Variants in ZNF420 observed in about 807,000 individuals in gnomAD.
The protein encoded by ZNF420 is zinc finger protein 420.
In ZNF420, 31 loss-of-function variants were observed where a neutral mutation model predicts 44.7. The ratio of observed to expected loss-of-function variants is 0.69; its 90% CI spans 0.52 to 0.94. The LOEUF (loss-of-function observed/expected upper bound fraction) is 0.94. ZNF420 is among the 40% of genes least tolerant of loss of function. The pLI, the probability that ZNF420 is intolerant of heterozygous loss-of-function variation, is 0.00. For synonymous variants in ZNF420, 245 were observed against 267.4 expected (o/e 0.92, Z 0.82); for missense variants, 681 against 827.9 (o/e 0.82, Z 2.18).
At chr19:37,112,474 T>C (rs542237723) in intron 4 of ZNF420, among the ~76,000 whole-genome samples, 2 of 152,168 alleles carry the variant, frequency 1.3e-5, no homozygotes, top group South Asian at 4.1e-4. Context: ...CGCCGACAAG[T>C]CCTGTAACAG....
chr19:37,012,133 G>C (rs904577609), intron 1 of ZNF420, among the ~76,000 whole-genome samples: 11 of 152,140 alleles, frequency 7.2e-5, no homozygotes, highest in African/African-American at 2.7e-4. Context: ...TCCTCCACCG[G>C]TAGAAGTCGG....
chr19:37,044,609 T>A (rs952530744), intron 1 of ZNF420, among the ~76,000 whole-genome samples: 8 of 151,890 alleles, frequency 5.3e-5, no homozygotes, highest in Non-Finnish European at 1.0e-4. Context: ...CTCATGCCTG[T>A]AATCCCAGGA....
chr19:37,060,171 T>C (rs1013487066), intron 1 of ZNF420, among the ~76,000 whole-genome samples: 1 of 152,136 alleles, frequency 6.6e-6, no homozygotes, highest in Admixed American at 6.5e-5. Flanking sequence ...AGAATCAAGA[T>C]GACCACACTC....
chr19:37,128,234 G>C lies in ZNF420; in HGVS notation c.1243G>C (p.Gly415Arg). The C allele has an allele frequency of 6.2e-7, 1 of 1,613,994 alleles. No individual in the cohort carries two copies. Among genetic ancestry groups the C allele is most frequent in the Non-Finnish European group, 8.5e-7 (1 of 1,179,966 alleles). Reference protein sequence around the residue: ...QLTQHQRIHTGEKPYQCKECG... With the variant: ...QLTQHQRIHTREKPYQCKECG... ...TACTCAACATCAGAGAATACACACT[G>C]GTGAGAAACCCTATCAATGTAAGGA... The change falls in exon 5 of 5, where the codon GGT becomes CGT. Residue 415 changes from glycine to arginine, a missense_variant. By Grantham distance (125) the Gly-to-Arg change is moderately radical. This residue lies in a region of ZNF420 where 280 missense variants were observed against 338.6 expected (regional missense o/e 0.83). Coordinates refer to ENST00000337995, the MANE Select transcript of ZNF420 (RefSeq NM_144689.5).
rs1321469834 is a variant in ZNF420 at position 37,114,124 on chromosome 19, G to A, written c.137-13004G>A. Among the ~76,000 whole-genome samples, 7 of 152,184 alleles carry A rather than the reference G, an allele frequency of 4.6e-5. No individual in the cohort carries two copies. The East Asian group carries it at 1.2e-3, about 25-fold the overall frequency. On this transcript the variant is annotated intron_variant, in intron 4 of 4. Coordinates refer to ENST00000337995, the MANE Select transcript of ZNF420 (RefSeq NM_144689.5). ...AGGTGGTATCGGTTCTAATATTACTGGGAATTGCCATGCCTCGGTATCTCC... is the reference window on the plus strand; with the variant it reads ...AGGTGGTATCGGTTCTAATATTACTAGGAATTGCCATGCCTCGGTATCTCC...
chr19:37,097,246 A>G (rs1361386711), intron 4 of ZNF420, among the ~76,000 whole-genome samples: 2 of 152,186 alleles, frequency 1.3e-5, no homozygotes, highest in African/African-American at 4.8e-5. Context: ...TATAATATGA[A>G]TAGGAATATT....
chr19:37,124,066 C>T (rs73618088), intron 4 of ZNF420, among the ~76,000 whole-genome samples: 2,933 of 152,194 alleles, frequency 0.019, 79 homozygotes, highest in East Asian at 0.05. Context: ...CCTAAATTCC[C>T]TCATGCTTTC....
intron 1 of ZNF420, among the ~76,000 whole-genome samples, chr19:37,057,702 G>A (rs1043867925): frequency 1.3e-5 from 2 of 152,116 alleles, no homozygotes; most frequent in Non-Finnish European, 2.9e-5. Flanking sequence ...CACATGAGGA[G>A]ATGCGTCGGT....
rs1971479889 is a variant in ZNF420 at position 37,128,375 on chromosome 19, C to G, written c.1384C>G (p.Leu462Val). The G allele has an allele frequency of 6.2e-7, 1 of 1,614,030 alleles. No homozygotes were observed. The highest frequency in any genetic ancestry group is 8.5e-7 in the Non-Finnish European group (1 of 1,179,972). Residue 462 changes from leucine (L) to valine (V), a missense_variant, in exon 5 of 5, where the codon CTT becomes GTT. This residue lies in a region of ZNF420 where 280 missense variants were observed against 338.6 expected (regional missense o/e 0.83). Coordinates refer to ENST00000337995, the MANE Select transcript of ZNF420 (RefSeq NM_144689.5). ...CGKTFSRGSE[L>V]TQHERIHTGE... Reference sequence around the variant, plus strand: ...AAAAACCTTTAGTCGTGGCTCAGAACTTACTCAACATGAGCGAATTCACAC... The same window carrying G: ...AAAAACCTTTAGTCGTGGCTCAGAAGTTACTCAACATGAGCGAATTCACAC...
At chr19:37,100,730 T>G (rs544479077) in intron 4 of ZNF420, among the ~76,000 whole-genome samples, 1 of 148,874 alleles carries the variant, frequency 6.7e-6, no homozygotes, top group Non-Finnish European at 1.5e-5. Flanking sequence ...AAAAAATTGC[T>G]TTGGCTGTTT....
chr19:37,066,434 C>CA (rs201752057), intron 1 of ZNF420, among the ~76,000 whole-genome samples: 120 of 141,226 alleles, frequency 8.5e-4, no homozygotes, highest in South Asian at 2.3e-3. Flanking sequence ...GAGTCTGTCT[C>CA]AAAAAAAAAA....
chr19:37,089,132 A>T lies in ZNF420; in HGVS notation c.9+5A>T, dbSNP rs202043976. The T allele has an allele frequency of 4.4e-4, 711 of 1,612,708 alleles. 2 individuals carry two copies. The highest frequency in any genetic ancestry group is 2.8e-3 in the Middle Eastern group (17 of 6,080). ...GCTCTAAAAACCATGGCTCGGGTAA[A>T]TTGGAGTTTCCTTGTGCTCTTTTCA... On this transcript the variant is annotated splice_donor_5th_base_variant and intron_variant, in intron 3 of 4. Transcript: ENST00000337995.
chr19:37,015,892 T>A (rs768869352), intron 1 of ZNF420, among the ~76,000 whole-genome samples: 4 of 152,230 alleles, frequency 2.6e-5, no homozygotes, highest in Non-Finnish European at 5.9e-5. Context: ...CTCTGGCCTC[T>A]TCTCTGTCCT....
intron 4 of ZNF420, among the ~76,000 whole-genome samples, chr19:37,119,004 C>T (rs1173884159): frequency 1.3e-5 from 2 of 152,268 alleles, no homozygotes; most frequent in African/African-American, 2.4e-5. Flanking sequence ...GACTTAGACT[C>T]CCACACAATA....
chr19:37,096,215 T>G (rs900041442), intron 4 of ZNF420: 3 of 111,072 alleles, frequency 2.7e-5, no homozygotes, highest in Admixed American at 1.1e-4. Context: ...TTTGATGTTC[T>G]CCCCCTCTCC....
chr19:37,049,725 G>A (rs376550932), intron 1 of ZNF420, among the ~76,000 whole-genome samples: 60 of 152,120 alleles, frequency 3.9e-4, no homozygotes, highest in African/African-American at 1.4e-3. Context: ...GTTTAATTAG[G>A]TCCCATTTGT....
intron 1 of ZNF420, among the ~76,000 whole-genome samples, chr19:37,013,411 A>G (rs868761664): frequency 3.5e-4 from 53 of 152,242 alleles, no homozygotes; most frequent in African/African-American, 1.1e-3. Context: ...GCCGATCACA[A>G]TCACTCCGTG....
chr19:37,044,058 A>G (rs2146414400), intron 1 of ZNF420, among the ~76,000 whole-genome samples: 1 of 152,336 alleles, frequency 6.6e-6, no homozygotes. Flanking sequence ...CCTGATATTC[A>G]TGAACATAGT....
chr19:37,051,137 G>C (rs535117958), intron 1 of ZNF420, among the ~76,000 whole-genome samples: 2 of 152,222 alleles, frequency 1.3e-5, no homozygotes, highest in East Asian at 3.9e-4. Context: ...ATTTCATTGA[G>C]GATTTTTGCA....
Sources: allele counts gnomAD v4.1 joint callset (sites outside exome capture counted in the v4.1 genomes callset), GRCh38; gene constraint gnomAD v4.1.1; regional missense constraint gnomAD v4.1.1; transcripts MANE v1.5; gene names NCBI Gene and HGNC (gene_info 2026-07-23, HGNC 2026-07-21).